ITPRID1: variants seen among roughly 807,000 people sequenced by gnomAD.
The protein encoded by ITPRID1 is ITPR interacting domain containing 1.
In ITPRID1, 96 loss-of-function variants were observed where a neutral mutation model predicts 95.4. The ratio of observed to expected loss-of-function variants is 1.01; its 90% CI spans 0.85 to 1.19. The LOEUF (loss-of-function observed/expected upper bound fraction) is 1.19, where lower values mean the gene tolerates loss of function less well. Ranked by LOEUF, ITPRID1 falls within the 50% of genes most tolerant of loss-of-function variation. ITPRID1 has a pLI of 0.00. For missense variants in ITPRID1, 1,339 were observed against 1,252.9 expected (o/e 1.07, Z -1.04); for synonymous variants, 510 against 453.6 (o/e 1.12, Z -1.58).
At chr7:31,515,848 G>A (rs184852941) in intron 1 of ITPRID1, among the ~76,000 whole-genome samples, 17 of 152,332 alleles carry the variant, frequency 1.1e-4, no homozygotes, top group African/African-American at 4.1e-4. Flanking sequence ...ATGAGAACAA[G>A]AGAATGAAGG....
At chr7:31,596,904 G>A (rs775851022) in intron 10 of ITPRID1, among the ~76,000 whole-genome samples, 1 of 151,742 alleles carries the variant, frequency 6.6e-6, no homozygotes, top group African/African-American at 2.4e-5. Flanking sequence ...TACAGTAGAA[G>A]TACATAAAGA....
intron 10 of ITPRID1, among the ~76,000 whole-genome samples, chr7:31,608,255 A>C (rs1226249451): frequency 6.6e-6 from 1 of 151,982 alleles, no homozygotes; most frequent in African/African-American, 2.4e-5. Context: ...CACTGTCTTC[A>C]TTATTGTACC....
rs1211745003 is a variant in ITPRID1, at chr7:31,572,189, G to C, written c.395+1G>C. The stretch of plus-strand genomic sequence containing the variant: ...ATTCTACTGCAAGTGTACCACAAAG[G>C]TATGTAATTTCCAGGTGCTTTTCAT... On this transcript the variant is annotated splice_donor_variant, in intron 7 of 14. Coordinates refer to ENST00000615280, the MANE Select transcript of ITPRID1 (RefSeq NM_001257967.3). LOFTEE classifies it high-confidence loss of function. The C allele has an allele frequency of 6.3e-7, 1 of 1,592,796 alleles. No individual in the cohort carries two copies. The highest frequency in any genetic ancestry group is 8.6e-7 in the Non-Finnish European group (1 of 1,162,566).
intron 12 of ITPRID1, among the ~76,000 whole-genome samples, chr7:31,650,927 C>T (rs1562660484): frequency 6.6e-6 from 1 of 152,146 alleles, no homozygotes; most frequent in African/African-American, 2.4e-5. Context: ...CAAAGGCCAC[C>T]CAACAACAGC....
At chr7:31,630,300 T>G (rs1403301144) in intron 10 of ITPRID1, among the ~76,000 whole-genome samples, 1 of 149,446 alleles carries the variant, frequency 6.7e-6, no homozygotes, top group Non-Finnish European at 1.5e-5. Flanking sequence ...CTACCAAATA[T>G]TGAGTGCCAG....
chr7:31,598,578 T>A (rs1786202433), intron 10 of ITPRID1, among the ~76,000 whole-genome samples: 2 of 151,970 alleles, frequency 1.3e-5, no homozygotes, highest in South Asian at 4.2e-4. Context: ...TACTTTTTTG[T>A]ATTTTTAGTA....
intron 1 of ITPRID1, among the ~76,000 whole-genome samples, chr7:31,520,372 C>T (rs1004889247): frequency 4.6e-5 from 7 of 152,084 alleles, no homozygotes; most frequent in Non-Finnish European, 7.4e-5. Flanking sequence ...CTATGCACAT[C>T]GCACACCCAA....
rs188719776 is a variant in ITPRID1 at position 31,586,980 on chromosome 7, C to T, written c.1228+3789C>T. Among the ~76,000 whole-genome samples the T allele has an allele frequency of 2.6e-4, 39 of 152,054 alleles. No homozygotes were observed. The East Asian group carries it at 6.4e-3, about 25-fold the overall frequency. ...AGGGTTTTTATGGTTTTAGGTCTAA[C>T]GTTTAAGTCTTTAATCCATCTTAAA... On this transcript the variant is annotated intron_variant, in intron 10 of 14. Coordinates refer to ENST00000615280, the MANE Select transcript of ITPRID1 (RefSeq NM_001257967.3).
chr7:31,540,404 G>A (rs1428476312), intron 1 of ITPRID1, among the ~76,000 whole-genome samples: 1 of 151,982 alleles, frequency 6.6e-6, no homozygotes, highest in African/African-American at 2.4e-5. Context: ...AGCTTATTTT[G>A]GAAACTTGTA....
At chr7:31,519,621 T>TCTCC (rs1554279823) in intron 1 of ITPRID1, among the ~76,000 whole-genome samples, 4 of 30,226 alleles carry the variant, frequency 1.3e-4, no homozygotes, top group Admixed American at 3.6e-4. Flanking sequence ...TCTCTCTCTC[T>TCTCC]ATATATATAT....
chr7:31,578,928 G>A (rs540575430), intron 9 of ITPRID1, among the ~76,000 whole-genome samples: 4 of 152,148 alleles, frequency 2.6e-5, no homozygotes, highest in Non-Finnish European at 1.5e-5. Context: ...AGGGCCGGGG[G>A]TGTGTGTGGG....
In ITPRID1 at chr7:31,516,748, T is replaced by C. The variant is rs116582310; in HGVS notation, c.-98+2628T>C. On this transcript the variant is annotated intron_variant, in intron 1 of 14. Coordinates refer to ENST00000615280, the MANE Select transcript of ITPRID1 (RefSeq NM_001257967.3). ...TTAACAGAACCTCCAAAGTAGTGAC[T>C]TCTCTGTGACAAGATGTGACTGGTA... Among the ~76,000 whole-genome samples the C allele has an allele frequency of 4.3e-3, 647 of 152,094 alleles. 6 individuals are homozygous for C. The highest frequency in any genetic ancestry group is 0.031 in the Middle Eastern group (9 of 294).
intron 1 of ITPRID1, among the ~76,000 whole-genome samples, chr7:31,519,641 T>TATATATATATATATATATATATATATAA: frequency 7.5e-6 from 1 of 133,520 alleles, no homozygotes; most frequent in African/African-American, 2.8e-5. Flanking sequence ...TATATATATA[T>TATATATATATATATATATATATATATAA]ATATAAATCT....
chr7:31,551,452 A>G (rs1311187047), intron 2 of ITPRID1, among the ~76,000 whole-genome samples: 1 of 143,958 alleles, frequency 6.9e-6, no homozygotes, highest in East Asian at 2.2e-4. Context: ...ATTTGCTACC[A>G]GCAGATATTC....
At chr7:31,529,886 G>A (rs1783540389) in intron 1 of ITPRID1, 3 of 1,280,576 alleles carry the variant, frequency 2.3e-6, no homozygotes, top group African/African-American at 3.0e-5. Context: ...AGGGGTATTA[G>A]CTGTCTGCTC....
Position 31,641,252 on chromosome 7 carries a change from T to C in ITPRID1, c.1229-924T>C, listed in dbSNP as rs544626989. Among the ~76,000 whole-genome samples the C allele has an allele frequency of 4.0e-4, 61 of 152,324 alleles. No homozygotes were observed. The South Asian group carries it at 5.0e-3, about 12-fold the overall frequency. ...TGTTCAAGCAAAGGCAAATCCCCTA[T>C]TTATCACTTAGGTACCAAATACTCA... On this transcript the variant is annotated intron_variant, in intron 10 of 14. Transcript: ENST00000615280.
At chr7:31,650,257 G>A (rs1790832878) in intron 12 of ITPRID1, among the ~76,000 whole-genome samples, 1 of 152,184 alleles carries the variant, frequency 6.6e-6, no homozygotes, top group South Asian at 2.1e-4. Flanking sequence ...AAAGCAAACA[G>A]TAAATTTTCC....
chr7:31,548,691 G>C (rs1199076063), intron 1 of ITPRID1, among the ~76,000 whole-genome samples: 2 of 152,074 alleles, frequency 1.3e-5, no homozygotes, highest in Non-Finnish European at 2.9e-5. Context: ...TTGCTCCTGT[G>C]GTCATCCAGG....
chr7:31,642,574 C>A lies in ITPRID1; in HGVS notation c.1312-108C>A, dbSNP rs527938807. The stretch of plus-strand genomic sequence containing the variant: ...ACAGATGCAAAACCTGATGTTGCAA[C>A]CCTTATCTCCTGACTCCTAAGGCAA... On this transcript the variant is annotated intron_variant, in intron 11 of 14. Transcript: ENST00000615280. The A allele has an allele frequency of 3.3e-5, 33 of 991,492 alleles. No homozygotes were observed. In the East Asian group the frequency reaches 8.1e-4, roughly 24 times the overall value. 61.4% of individuals were successfully genotyped at this position (991,492 alleles called of 1,614,324 possible).
Sources: allele counts gnomAD v4.1 joint callset (sites outside exome capture counted in the v4.1 genomes callset), GRCh38; gene constraint gnomAD v4.1.1; transcripts MANE v1.5; gene names NCBI Gene and HGNC (gene_info 2026-07-23, HGNC 2026-07-21).